The following CLVS1 variants were observed in gnomAD, a reference collection of about 807,000 sequenced individuals.
CLVS1 encodes clavesin-1.
CLVS1 carries 10 observed loss-of-function variants against 33.1 expected under a neutral mutation model. The observed-to-expected ratio is 0.30, with a 90% confidence interval of 0.19 to 0.51. The LOEUF is 0.51. Among genes scored for constraint, CLVS1 ranks in the 20% least tolerant of loss-of-function variants. The pLI is 0.97. For missense variants in CLVS1, 343 were observed against 433.4 expected (o/e 0.79, Z 1.85); for synonymous variants, 163 against 166.1 (o/e 0.98, Z 0.14).
At chr8:61,239,857 T>C (rs1808655425) in intron 2 of CLVS1, among the ~76,000 whole-genome samples, 4 of 152,198 alleles carry the variant, frequency 2.6e-5, no homozygotes, top group African/African-American at 7.2e-5. Flanking sequence ...TCCTGTGAGA[T>C]TGAGACCCTT....
the CLVS1 span, among the ~76,000 whole-genome samples, chr8:60,996,391 A>C: frequency 6.6e-6 from 1 of 152,248 alleles, no homozygotes; most frequent in Non-Finnish European, 1.5e-5. Context: ...TATCTTTACA[A>C]AATGGCTTTT....
At chr8:61,370,863 C>T (rs928956480) in intron 2 of CLVS1, among the ~76,000 whole-genome samples, 6 of 152,116 alleles carry the variant, frequency 3.9e-5, no homozygotes, top group Non-Finnish European at 8.8e-5. Flanking sequence ...GGGTAGTATT[C>T]CATGGCATAC....
chr8:61,228,899 G>A (rs1054376220), intron 2 of CLVS1, among the ~76,000 whole-genome samples: 4 of 151,820 alleles, frequency 2.6e-5, no homozygotes, highest in Admixed American at 6.6e-5. Flanking sequence ...ATTTCTTTCG[G>A]ATATATATAT....
At position 61,306,369 on chromosome 8, in the gene CLVS1, T is replaced by A. The variant is rs547037072; in HGVS notation, c.455+6087T>A. ...GGTGTCTGTTCATGTTCTTGCCCAC[T>A]TTTCTGTGGGGTTGTTTGTTTTTTC... On this transcript the variant is annotated intron_variant, in intron 2 of 5. Transcript: ENST00000325897. Among the ~76,000 whole-genome samples, 60 of 152,328 alleles carry A rather than the reference T, an allele frequency of 3.9e-4. No homozygotes were observed. In the Middle Eastern group the frequency reaches 0.01, roughly 26 times the overall value.
intron 2 of CLVS1, among the ~76,000 whole-genome samples, chr8:61,189,466 T>C (rs1340621063): frequency 2.6e-5 from 4 of 152,198 alleles, no homozygotes; most frequent in Admixed American, 6.5e-5. Flanking sequence ...CTGCATCAAC[T>C]AATGAGCAAA....
chr8:61,483,140 A>C (rs1803730975), intron 5 of CLVS1, among the ~76,000 whole-genome samples: 1 of 152,238 alleles, frequency 6.6e-6, no homozygotes, highest in Admixed American at 6.5e-5. Context: ...TCAAAAAATC[A>C]ATGAATCCAG....
At chr8:61,261,531 C>A (rs868011542) in intron 2 of CLVS1, among the ~76,000 whole-genome samples, 1 of 152,084 alleles carries the variant, frequency 6.6e-6, no homozygotes, top group Non-Finnish European at 1.5e-5. Flanking sequence ...CCCCACCCCA[C>A]CCCACATTTA....
chr8:61,365,885 G>A (rs1177579561), intron 2 of CLVS1, among the ~76,000 whole-genome samples: 1 of 152,088 alleles, frequency 6.6e-6, no homozygotes, highest in Non-Finnish European at 1.5e-5. Flanking sequence ...GTTTGTGGAT[G>A]TAGAAAAACC....
At chr8:61,223,316 C>T (rs752584799) in intron 2 of CLVS1, among the ~76,000 whole-genome samples, 4 of 152,040 alleles carry the variant, frequency 2.6e-5, no homozygotes, top group South Asian at 2.1e-4. Context: ...TGTCTGGTAC[C>T]GGTTTTTCTT....
chr8:60,992,663 G>C, the CLVS1 span, among the ~76,000 whole-genome samples: 1 of 152,234 alleles, frequency 6.6e-6, no homozygotes, highest in South Asian at 2.1e-4. Context: ...TCTGGCAACT[G>C]CACAAAAGCT....
intron 3 of CLVS1, among the ~76,000 whole-genome samples, chr8:61,428,254 G>A (rs1476133247): frequency 6.6e-6 from 1 of 152,156 alleles, no homozygotes; most frequent in Non-Finnish European, 1.5e-5. Flanking sequence ...GCTGAATTTA[G>A]GATGCCCATT....
the CLVS1 span, among the ~76,000 whole-genome samples, chr8:60,974,707 AG>A: frequency 6.6e-6 from 1 of 151,024 alleles, no homozygotes; most frequent in Non-Finnish European, 1.5e-5. Flanking sequence ...TGAACCCGGG[AG>A]GCGGAGCTTG....
chr8:61,451,009 G>A (rs1283037970), intron 3 of CLVS1, among the ~76,000 whole-genome samples: 1 of 152,122 alleles, frequency 6.6e-6, no homozygotes, highest in Non-Finnish European at 1.5e-5. Flanking sequence ...GCTATGTCAA[G>A]CAGCACTGCT....
chr8:61,155,131 T>G (rs1806624632), intron 2 of CLVS1, among the ~76,000 whole-genome samples: 1 of 152,186 alleles, frequency 6.6e-6, no homozygotes. Context: ...GCAAACTGCA[T>G]GTTAAGTACA....
At chr8:61,473,375 A>G (rs961073699) in intron 5 of CLVS1, among the ~76,000 whole-genome samples, 1 of 149,616 alleles carries the variant, frequency 6.7e-6, no homozygotes, top group African/African-American at 2.4e-5. Context: ...GACCAGAAAC[A>G]TTGGAGAGCA....
In CLVS1 at chr8:61,207,377, T is replaced by C. The variant is rs9694016; in HGVS notation, c.-152+75517T>C. Among the ~76,000 whole-genome samples the C allele has an allele frequency of 1.1e-3, 161 of 148,624 alleles. 1 individual carries two copies. The highest frequency in any genetic ancestry group is 2.5e-3 in the Admixed American group (37 of 14,946). ...CCAGGGATTTGCAGCGGTGCATGGGTTCCAGGGATGTGCAAAGGTGCATGG... is the reference window on the plus strand; with the variant it reads ...CCAGGGATTTGCAGCGGTGCATGGGCTCCAGGGATGTGCAAAGGTGCATGG... On this transcript the variant is annotated intron_variant, in intron 2 of 2. Transcript: ENST00000522621.
At chr8:61,185,327 A>AT (rs1256507038) in intron 2 of CLVS1, among the ~76,000 whole-genome samples, 3 of 118,390 alleles carry the variant, frequency 2.5e-5, no homozygotes, top group Admixed American at 8.7e-5. Flanking sequence ...TTTTTTTTGC[A>AT]TTTTTTTGTA....
At chr8:61,251,371 T>A (rs1808944112) in intron 2 of CLVS1, among the ~76,000 whole-genome samples, 1 of 152,168 alleles carries the variant, frequency 6.6e-6, no homozygotes. Context: ...GGCGTGAAAT[T>A]TTGTTTTTTT....
At chr8:60,987,341 C>T in the CLVS1 span, among the ~76,000 whole-genome samples, 1 of 152,158 alleles carries the variant, frequency 6.6e-6, no homozygotes, top group East Asian at 1.9e-4. Context: ...ACATTGCAGA[C>T]AATAGCAAAT....
Sources: gnomAD v4.1 joint callset for allele counts (sites outside exome capture counted in the v4.1 genomes callset) on GRCh38, gnomAD v4.1.1 for gene constraint, MANE v1.5 for transcripts, NCBI Gene and HGNC (gene_info 2026-07-23, HGNC 2026-07-21) for gene names.